Variants in RNF144B observed in about 807,000 individuals in gnomAD.
RNF144B encodes E3 ubiquitin-protein ligase RNF144B.
A neutral mutation model predicts 40.2 loss-of-function variants in RNF144B; 25 were observed. The ratio of observed to expected loss-of-function variants is 0.62; its 90% CI spans 0.45 to 0.87. The LOEUF (loss-of-function observed/expected upper bound fraction) is 0.87. Among genes scored for constraint, RNF144B ranks in the 40% least tolerant of loss-of-function variants. RNF144B has a pLI of 0.00. For missense variants in RNF144B, 365 were observed against 373.7 expected, an observed-to-expected ratio of 0.98 and a Z score of 0.19; for synonymous variants, 145 against 136.3, an observed-to-expected ratio of 1.06 and a Z score of -0.44.
chr6:18,461,055 T>A (rs1010688229), intron 6 of RNF144B, among the ~76,000 whole-genome samples: 5 of 152,110 alleles, frequency 3.3e-5, no homozygotes, highest in African/African-American at 7.2e-5. Flanking sequence ...GCTTAGTGAG[T>A]GAGTGTGCAG....
Position 18,406,458 on chromosome 6 carries a change from GT to G in RNF144B, c.165+6760del. Reference sequence around the variant, plus strand: ...AAAGGAGGCTGGTGTGGCTGGAAAAGTGTGTGTGTGTGTGTGTGTGTGTGTG... The same window carrying G: ...AAAGGAGGCTGGTGTGGCTGGAAAAGGTGTGTGTGTGTGTGTGTGTGTGTG... On this transcript the variant is annotated intron_variant, in intron 2 of 7. Coordinates refer to ENST00000259939, the MANE Select transcript of RNF144B (RefSeq NM_182757.4). This position sits in a 1 kb window ranked among gnomAD's most constrained non-coding sequence, Gnocchi z 4.2. 7.9e-4 allele frequency among the ~76,000 whole-genome samples: 1 copy of G among 1,258 alleles called. No individual in the cohort carries two copies. Among genetic ancestry groups the G allele is most frequent in the East Asian group, 0.017 (1 of 60 alleles). The allele number at this position is 1,258 out of a possible 152,430, so 0.8% of individuals were successfully genotyped here.
rs1483165725 is a variant in RNF144B at position 18,448,836 on chromosome 6, A to G, written c.332-8319A>G. On this transcript the variant is annotated intron_variant, in intron 4 of 7. Transcript: ENST00000259939. This position sits in a 1 kb window ranked among gnomAD's most constrained non-coding sequence, Gnocchi z 4.0. ...CACAACCTATTAAACTGATACCTCA[A>G]TCCCCATTGTTTGAAAAGCATCATG... is the stretch of plus-strand genomic sequence containing the variant. 6.6e-6 allele frequency among the ~76,000 whole-genome samples: 1 copy of G among 152,168 alleles called. No homozygotes were observed. The highest frequency in any genetic ancestry group is 2.4e-5 in the African/African-American group (1 of 41,448).
chr6:18,392,440 C>T (rs1252113536), intron 1 of RNF144B, among the ~76,000 whole-genome samples: 1 of 152,114 alleles, frequency 6.6e-6, no homozygotes, highest in African/African-American at 2.4e-5. Context: ...AGATGCTTCT[C>T]CTTCCTGATG....
chr6:18,388,314 C>G (rs7761079), intron 1 of RNF144B, among the ~76,000 whole-genome samples: 55,205 of 152,038 alleles, frequency 0.36, 10,463 homozygotes, highest in South Asian at 0.49. Context: ...CTTAACAGGA[C>G]TATCTCTGCT....
chr6:18,402,153 T>C lies in RNF144B; in HGVS notation c.165+2454T>C, dbSNP rs1293313330. ...ATCCCTGGCCATTTTGCTGTGAGCC[T>C]AGCTTTTTTTGTTGTTGTTTCCAAG... On this transcript the variant is annotated intron_variant, in intron 2 of 7. Coordinates refer to ENST00000259939, the MANE Select transcript of RNF144B (RefSeq NM_182757.4). The C allele has an allele frequency of 9.1e-5, 8 of 87,968 alleles. 2 individuals are homozygous for C. The highest frequency in any genetic ancestry group is 2.7e-4 in the African/African-American group (8 of 29,848). The allele number at this position is 87,968 out of a possible 1,614,324, so 5.4% of individuals were successfully genotyped here. A position where few individuals can be genotyped will look rare whatever the true frequency, so the allele number is the denominator to read the frequency against.
At chr6:18,454,828 G>T (rs1398009550) in intron 4 of RNF144B, among the ~76,000 whole-genome samples, 1 of 152,218 alleles carries the variant, frequency 6.6e-6, no homozygotes, top group Non-Finnish European at 1.5e-5. Flanking sequence ...CTTCTACCAA[G>T]TAGTTTTAAT....
In RNF144B at chr6:18,434,149, T is replaced by G. The variant is rs1411207397; in HGVS notation, c.271-5535T>G. On this transcript the variant is annotated intron_variant, in intron 3 of 7. Transcript: ENST00000259939. This position sits in a 1 kb window ranked among gnomAD's most constrained non-coding sequence, Gnocchi z 4.1. ...AAGTCTGGGCGCTTTTTCCTTCTGT[T>G]TGGGCTTTCCGGACTCTGATGGGTA... 6.6e-6 allele frequency among the ~76,000 whole-genome samples: 1 copy of G among 152,206 alleles called. No individual in the cohort carries two copies. Among genetic ancestry groups the G allele is most frequent in the Non-Finnish European group, 1.5e-5 (1 of 68,042 alleles).
intron 1 of RNF144B, 27 bp downstream of exon 1, chr6:18,387,657 T>C (rs1405745645): frequency 2.3e-6 from 3 of 1,290,136 alleles, no homozygotes; most frequent in African/African-American, 3.0e-5. Flanking sequence ...TTTTAAAGGC[T>C]ACAGGCGTTG....
chr6:18,387,939 G>T (rs1794495879), intron 1 of RNF144B, among the ~76,000 whole-genome samples: 1 of 152,206 alleles, frequency 6.6e-6, no homozygotes, highest in African/African-American at 2.4e-5. Flanking sequence ...CCAAAAGTTG[G>T]CATAATCTCG....
intron 2 of RNF144B, among the ~76,000 whole-genome samples, chr6:18,411,572 C>T (rs1334204844): frequency 3.3e-5 from 4 of 120,878 alleles, no homozygotes; most frequent in East Asian, 2.7e-4. Flanking sequence ...GGTGTGATCT[C>T]GGCTCATTGC....
chr6:18,451,152 C>T (rs1759201505), intron 4 of RNF144B, among the ~76,000 whole-genome samples: 1 of 152,112 alleles, frequency 6.6e-6, no homozygotes, highest in South Asian at 2.1e-4. Context: ...ATTTGCATTG[C>T]TTGGTTTCCC....
At position 18,459,554 on chromosome 6, in the gene RNF144B, A is replaced by T; in HGVS notation, c.537-53A>T. On this transcript the variant is annotated intron_variant, in intron 5 of 7. Transcript: ENST00000259939. This position sits in a 1 kb window ranked among gnomAD's most constrained non-coding sequence, Gnocchi z 4.2. ...TATCTAACCATCAGGAGCCCTGGGA[A>T]TTCAACTGATGACCATCAGCTGAAT... 6.3e-7 allele frequency: 1 copy of T among 1,582,960 alleles called. No individual in the cohort carries two copies. The highest frequency in any genetic ancestry group is 8.6e-7 in the Non-Finnish European group (1 of 1,156,752).
rs1197255460 is a variant in RNF144B, at chr6:18,400,899, C to T, written c.165+1200C>T. Among the ~76,000 whole-genome samples, 1 of 152,128 alleles carries T rather than the reference C, an allele frequency of 6.6e-6. No individual in the cohort carries two copies. The highest frequency in any genetic ancestry group is 2.4e-5 in the African/African-American group (1 of 41,406). On this transcript the variant is annotated intron_variant, in intron 2 of 7. Transcript: ENST00000259939. The surrounding 1 kb of genome is among the most constrained non-coding windows in gnomAD (Gnocchi z 5.6). ...AGGAGTGATGTTTGTGCTGCCTCTC[C>T]TTCCTCTTGTTGTTAGTGTGTGTTG...
intron 2 of RNF144B, among the ~76,000 whole-genome samples, chr6:18,423,759 G>A: frequency 7.1e-6 from 1 of 141,330 alleles, no homozygotes; most frequent in Admixed American, 6.9e-5. Flanking sequence ...TGAGTTTGAC[G>A]AACAATCCTT....
At position 18,453,249 on chromosome 6, in the gene RNF144B, C is replaced by T. The variant is rs1759252094; in HGVS notation, c.332-3906C>T. Among the ~76,000 whole-genome samples, 3 of 149,920 alleles carry T rather than the reference C, an allele frequency of 2.0e-5. No individual in the cohort carries two copies. The South Asian group carries it at 6.3e-4, about 32-fold the overall frequency. Reference sequence around the variant, plus strand: ...CGCCTCCCAGGTTCAAATGATTCTCCTGCCTCAGCCTCCCTAGTAGCTGGG... The same window carrying T: ...CGCCTCCCAGGTTCAAATGATTCTCTTGCCTCAGCCTCCCTAGTAGCTGGG... On this transcript the variant is annotated intron_variant, in intron 4 of 7. Transcript: ENST00000259939.
Position 18,422,623 on chromosome 6 carries a change from C to T in RNF144B, c.166-4958C>T, listed in dbSNP as rs534214249. 2.5e-4 allele frequency among the ~76,000 whole-genome samples: 38 copies of T among 152,216 alleles called. No homozygotes were observed. Among genetic ancestry groups the T allele is most frequent in the African/African-American group, 7.7e-4 (32 of 41,542 alleles). The stretch of plus-strand genomic sequence containing the variant: ...TCCTCCTTTGACCACAGGACCCCAG[C>T]GCCTGCATCCAGAAGCATCTAAGAT... On this transcript the variant is annotated intron_variant, in intron 2 of 7. Coordinates refer to ENST00000259939, the MANE Select transcript of RNF144B (RefSeq NM_182757.4). The surrounding 1 kb of genome is among the most constrained non-coding windows in gnomAD (Gnocchi z 4.7).
rs756844551 is a variant in RNF144B, at chr6:18,419,892, G to A, written c.166-7689G>A. 6.6e-6 allele frequency among the ~76,000 whole-genome samples: 1 copy of A among 152,132 alleles called. No homozygotes were observed. Among genetic ancestry groups the A allele is most frequent in the Non-Finnish European group, 1.5e-5 (1 of 68,018 alleles). ...GATATTTTGAACATGTTCAAGTATA[G>A]ACAGGACAAAATTCAAGACATAGGA... On this transcript the variant is annotated intron_variant, in intron 2 of 7. Transcript: ENST00000259939. The surrounding 1 kb of genome is among the most constrained non-coding windows in gnomAD (Gnocchi z 4.6).
In RNF144B at chr6:18,447,979, G is replaced by A. The variant is rs1180850619; in HGVS notation, c.331+8235G>A. ...TCCACTGGGTCCGAAGCTACTGACA[G>A]ATGAGGAGAGATATGGTCTGAGAGT... On this transcript the variant is annotated intron_variant, in intron 4 of 7. Transcript: ENST00000259939. This position sits in a 1 kb window ranked among gnomAD's most constrained non-coding sequence, Gnocchi z 5.6. Among the ~76,000 whole-genome samples, 1 of 152,138 alleles carries A rather than the reference G, an allele frequency of 6.6e-6. No individual in the cohort carries two copies. Among genetic ancestry groups the A allele is most frequent in the Non-Finnish European group, 1.5e-5 (1 of 68,026 alleles).
intron 2 of RNF144B, among the ~76,000 whole-genome samples, chr6:18,423,085 A>C (rs1283627699): frequency 6.6e-6 from 1 of 152,266 alleles, no homozygotes; most frequent in East Asian, 1.9e-4. Flanking sequence ...TCATTTCTGC[A>C]TGCCTGCCTA....
Sources: allele counts gnomAD v4.1 joint callset (sites outside exome capture counted in the v4.1 genomes callset), GRCh38; gene constraint gnomAD v4.1.1; non-coding constraint Gnocchi (gnomAD v3.1); transcripts MANE v1.5; gene names NCBI Gene and HGNC (gene_info 2026-07-23, HGNC 2026-07-21).